Variants in CTNNA2 observed in about 807,000 individuals in gnomAD.
CTNNA2 encodes the protein catenin alpha 2.
Under a neutral mutation model 101.0 loss-of-function variants are expected in CTNNA2, and 42 were observed. The ratio of observed to expected loss-of-function variants is 0.42; its 90% CI spans 0.32 to 0.54. The LOEUF is 0.54. Among genes scored for constraint, CTNNA2 ranks in the 20% least tolerant of loss-of-function variants. The pLI is 0.14. For missense variants in CTNNA2, 871 were observed against 1,223.1 expected (o/e 0.71, Z 4.29); for synonymous variants, 450 against 456.4 (o/e 0.99, Z 0.18).
intron 8 of CTNNA2, among the ~76,000 whole-genome samples, chr2:80,401,855 C>A (rs1470346395): frequency 6.6e-6 from 1 of 152,050 alleles, no homozygotes; most frequent in Non-Finnish European, 1.5e-5. Flanking sequence ...CCTCTAGTCA[C>A]CAAAACGTAT....
intron 2 of CTNNA2, among the ~76,000 whole-genome samples, chr2:79,678,415 G>T (rs909662809): frequency 6.6e-6 from 1 of 151,856 alleles, no homozygotes; most frequent in Admixed American, 6.6e-5. Flanking sequence ...TGGTGATGTA[G>T]TTCCAGATAC....
chr2:80,033,972 T>TAAAAAAAA (rs70940069), intron 7 of CTNNA2, among the ~76,000 whole-genome samples: 2 of 84,214 alleles, frequency 2.4e-5, no homozygotes, highest in South Asian at 4.2e-4. Flanking sequence ...GCTTATAATG[T>TAAAAAAAA]AAAAAAAAAA....
intron 1 of CTNNA2, among the ~76,000 whole-genome samples, chr2:79,646,277 T>G (rs556766033): frequency 1.3e-5 from 2 of 152,306 alleles, no homozygotes; most frequent in African/African-American, 4.8e-5. Flanking sequence ...TTTCTCCTTA[T>G]CAGGACGCTG....
chr2:80,077,528 T>G (rs1453963888), intron 7 of CTNNA2, among the ~76,000 whole-genome samples: 1 of 151,386 alleles, frequency 6.6e-6, no homozygotes, highest in Non-Finnish European at 1.5e-5. Context: ...GCAGGAAGAC[T>G]GCTTGAGCCC....
At chr2:80,512,329 G>A (rs1323691058) in intron 9 of CTNNA2, among the ~76,000 whole-genome samples, 2 of 152,006 alleles carry the variant, frequency 1.3e-5, no homozygotes, top group Admixed American at 6.6e-5. Flanking sequence ...GGAATATAGG[G>A]CATGGAACCT....
chr2:80,034,357 T>C (rs201055505), intron 7 of CTNNA2, among the ~76,000 whole-genome samples: 53,651 of 118,708 alleles, frequency 0.45, 10,522 homozygotes, highest in East Asian at 0.8. Flanking sequence ...TTTTTTTCTT[T>C]TTTTTTTTTT....
At chr2:79,222,654 C>T (rs560890007) in intron 2 of CTNNA2, among the ~76,000 whole-genome samples, 188 of 152,280 alleles carry the variant, frequency 1.2e-3, no homozygotes, top group African/African-American at 4.1e-3. Context: ...CTTCCTCCTC[C>T]TGCCTTCTTT....
intron 6 of CTNNA2, among the ~76,000 whole-genome samples, chr2:79,891,683 A>T (rs565176386): frequency 1.3e-5 from 2 of 152,272 alleles, no homozygotes; most frequent in South Asian, 4.1e-4. Context: ...TCACTTTCAA[A>T]ATCTGGATCA....
chr2:79,886,436 A>G (rs1432394529), intron 6 of CTNNA2, among the ~76,000 whole-genome samples: 1 of 152,006 alleles, frequency 6.6e-6, no homozygotes, highest in African/African-American at 2.4e-5. Context: ...TGAAGGCCTT[A>G]GGAAGTTACT....
chr2:79,862,304 T>C (rs1250587254), intron 4 of CTNNA2, among the ~76,000 whole-genome samples: 1 of 151,888 alleles, frequency 6.6e-6, no homozygotes, highest in Non-Finnish European at 1.5e-5. Flanking sequence ...GGGCCAAATA[T>C]AGTGCTGCTG....
chr2:79,723,546 A>G (rs1021303460), intron 2 of CTNNA2, among the ~76,000 whole-genome samples: 4 of 152,190 alleles, frequency 2.6e-5, no homozygotes, highest in Non-Finnish European at 4.4e-5. Context: ...AGGCCTGTTT[A>G]TAACAGGAAG....
At chr2:79,515,603 A>AG (rs552765232) in intron 1 of CTNNA2, among the ~76,000 whole-genome samples, 12 of 152,346 alleles carry the variant, frequency 7.9e-5, no homozygotes, top group Admixed American at 7.2e-4. Flanking sequence ...AAACATACCA[A>AG]GTTATTAAAG....
intron 3 of CTNNA2, among the ~76,000 whole-genome samples, chr2:79,805,629 G>A (rs1030187371): frequency 1.3e-5 from 2 of 152,046 alleles, no homozygotes; most frequent in African/African-American, 4.8e-5. Flanking sequence ...GCTGAGTGCA[G>A]TGAAGAGTAT....
intron 9 of CTNNA2, among the ~76,000 whole-genome samples, chr2:80,484,393 TG>T (rs1373876470): frequency 1.3e-5 from 2 of 152,184 alleles, no homozygotes; most frequent in Non-Finnish European, 2.9e-5. Flanking sequence ...ATGGGCAGAA[TG>T]GGACTGAAAA....
intron 1 of CTNNA2, among the ~76,000 whole-genome samples, chr2:79,539,859 A>G (rs1285665770): frequency 2.0e-5 from 3 of 152,180 alleles, no homozygotes; most frequent in Admixed American, 6.5e-5. Flanking sequence ...TAATGACAGT[A>G]TCTTTAGAGC....
chr2:80,143,416 A>T (rs1452344784), intron 7 of CTNNA2, among the ~76,000 whole-genome samples: 1 of 152,180 alleles, frequency 6.6e-6, no homozygotes, highest in Non-Finnish European at 1.5e-5. Context: ...CACCTCAAAT[A>T]TTCGTCAAAT....
chr2:80,588,573 G>C (rs1445477382), intron 14 of CTNNA2, among the ~76,000 whole-genome samples: 1 of 152,186 alleles, frequency 6.6e-6, no homozygotes, highest in African/African-American at 2.4e-5. Context: ...GAAGACTGCA[G>C]TTCTCCTTTT....
intron 3 of CTNNA2, among the ~76,000 whole-genome samples, chr2:79,793,345 G>T (rs1180629005): frequency 1.3e-5 from 2 of 152,194 alleles, no homozygotes; most frequent in African/African-American, 2.4e-5. Context: ...GTCCCATGGG[G>T]GTGAGACAGA....
At chr2:80,169,510 T>C (rs1246432490) in intron 7 of CTNNA2, among the ~76,000 whole-genome samples, 1 of 152,216 alleles carries the variant, frequency 6.6e-6, no homozygotes, top group Non-Finnish European at 1.5e-5. Flanking sequence ...ATTTAAGATA[T>C]GGTATTTCAG....
Sources: gnomAD v4.1 joint callset for allele counts (sites outside exome capture counted in the v4.1 genomes callset) on GRCh38, gnomAD v4.1.1 for gene constraint, MANE v1.5 for transcripts, NCBI Gene and HGNC (gene_info 2026-07-23, HGNC 2026-07-21) for gene names.